Variants in LYN observed in about 807,000 individuals in gnomAD.
LYN encodes the protein tyrosine-protein kinase Lyn.
Under a neutral mutation model 65.0 loss-of-function variants are expected in LYN, and 12 were observed. That is an observed-to-expected ratio of 0.18 (90% confidence interval 0.12 to 0.30). The LOEUF (loss-of-function observed/expected upper bound fraction) is 0.30. Ranked by LOEUF, LYN falls within the 10% of genes least tolerant of loss-of-function variation. The pLI is 1.00. For missense variants in LYN, 380 were observed against 623.2 expected (o/e 0.61, Z 4.16); for synonymous variants, 222 against 221.2 (o/e 1.00, Z -0.03).
chr8:55,967,909 T>C (rs557489398), intron 9 of LYN, among the ~76,000 whole-genome samples: 41 of 152,178 alleles, frequency 2.7e-4, no homozygotes, highest in Non-Finnish European at 5.3e-4. Flanking sequence ...TGAAGAAACA[T>C]AAGCAATGAT....
At chr8:55,896,256 C>G (rs1379449198) in intron 1 of LYN, among the ~76,000 whole-genome samples, 1 of 150,308 alleles carries the variant, frequency 6.7e-6, no homozygotes, top group Admixed American at 6.7e-5. Context: ...GGTAGCAGAG[C>G]AAGACTCTCA....
At chr8:55,981,934 C>T (rs978617343) in intron 10 of LYN, among the ~76,000 whole-genome samples, 3 of 152,190 alleles carry the variant, frequency 2.0e-5, no homozygotes, top group African/African-American at 7.2e-5. Context: ...TTGAAGCCAA[C>T]GGCAGATGCA....
intron 1 of LYN, among the ~76,000 whole-genome samples, chr8:55,903,939 T>A (rs72651469): frequency 0.094 from 14,305 of 152,106 alleles, 914 homozygotes; most frequent in Middle Eastern, 0.17. Flanking sequence ...AGGATCCGCT[T>A]GAGCCTCGGA....
intron 1 of LYN, among the ~76,000 whole-genome samples, chr8:55,904,348 T>C (rs371778212): frequency 1.4e-5 from 2 of 144,324 alleles, no homozygotes; most frequent in African/African-American, 2.4e-5. Context: ...ATATGAAATA[T>C]GATATGAAAT....
chr8:55,915,684 C>T (rs139198891), intron 1 of LYN, among the ~76,000 whole-genome samples: 38 of 151,582 alleles, frequency 2.5e-4, no homozygotes, highest in African/African-American at 6.8e-4. Flanking sequence ...CCAGCCTGGG[C>T]GAGAAGAGCA....
In LYN at chr8:55,954,000, G is replaced by A. The variant is rs775574254; in HGVS notation, c.790+16G>A. The stretch of plus-strand genomic sequence containing the variant: ...GTCTGGATGGGTAAGTGTGCGGCTC[G>A]GGGATCTATGTCCTTCTAGAGATGG... On this transcript the variant is annotated intron_variant, in intron 8 of 12. Coordinates refer to ENST00000519728, the MANE Select transcript of LYN (RefSeq NM_002350.4). 57 of 1,612,676 alleles carry A rather than the reference G, an allele frequency of 3.5e-5. No homozygotes were observed. Among genetic ancestry groups the A allele is most frequent in the Non-Finnish European group, 2.9e-5 (34 of 1,179,514 alleles).
rs193036267 is a variant in LYN at position 55,889,252 on chromosome 8, C to T, written c.-6+9149C>T. 5.2e-4 allele frequency among the ~76,000 whole-genome samples: 79 copies of T among 152,218 alleles called. 1 individual carries two copies. In the Middle Eastern group the frequency reaches 0.014, roughly 26 times the overall value. ...CAGGAGTTTGAGACCAGGCTGTAAC[C>T]CCAGGCAGGAGTACAGTGGTGCAGT... On this transcript the variant is annotated intron_variant, in intron 1 of 12. Coordinates refer to ENST00000519728, the MANE Select transcript of LYN (RefSeq NM_002350.4).
chr8:55,908,222 C>CACTT (rs1554575711), intron 1 of LYN, among the ~76,000 whole-genome samples: 2 of 142,948 alleles, frequency 1.4e-5, no homozygotes, highest in Admixed American at 7.0e-5. Context: ...CTGTTTAAAC[C>CACTT]ATTTATTTAT....
At position 56,008,123 on chromosome 8, in the gene LYN, A is replaced by AAAAAAAAAAAT. The variant is rs145011760; in HGVS notation, c.1337-1780_1337-1779insAAAAATAAAAA. Among the ~76,000 whole-genome samples, 884 of 140,772 alleles carry AAAAAAAAAAAT rather than the reference A, an allele frequency of 6.3e-3. 14 individuals are homozygous for AAAAAAAAAAAT. The highest frequency in any genetic ancestry group is 0.02 in the African/African-American group (771 of 38,472). The allele number at this position is 140,772 out of a possible 152,430, so 92.4% of individuals were successfully genotyped here. On this transcript the variant is annotated intron_variant, in intron 12 of 12. Transcript: ENST00000519728. Reference sequence around the variant, plus strand: ...GAAAGAGGGAGACTCTGCCTCAAAAAAAAAATAAAATAAAATAAAATAAAA... The same window carrying AAAAAAAAAAAT: ...GAAAGAGGGAGACTCTGCCTCAAAAAAAAAAAAAAATAAAAATAAAATAAAATAAAATAAAA...
rs749791683 is a variant in LYN, at chr8:55,951,971, T to C, written c.493T>C (p.Phe165Leu). The change falls in exon 7 of 13, where the codon TTC (phenylalanine) becomes CTC (leucine). Residue 165 changes from phenylalanine (F) to leucine (L), a missense_variant. Phe to Leu is a conservative substitution (Grantham distance 22, BLOSUM62 0). Coordinates refer to ENST00000519728, the MANE Select transcript of LYN (RefSeq NM_002350.4). ...IRESETLKGS[F>L]SLSVRDFDPV... ...TTACACTTTTCCCCCCATAGGAAGC[T>C]TCTCTCTGTCTGTCAGAGACTTTGA... is the stretch of plus-strand genomic sequence containing the variant. 4 of 1,610,316 alleles carry C rather than the reference T, an allele frequency of 2.5e-6. No homozygotes were observed. The highest frequency in any genetic ancestry group is 1.7e-5 in the Admixed American group (1 of 58,830).
At chr8:55,887,575 T>TATATAC (rs1554573193) in intron 1 of LYN, among the ~76,000 whole-genome samples, 59 of 93,460 alleles carry the variant, frequency 6.3e-4, no homozygotes, top group African/African-American at 1.8e-3. Flanking sequence ...TATATATATA[T>TATATAC]ACACACACAC....
chr8:55,974,955 T>C (rs914243415), intron 10 of LYN, among the ~76,000 whole-genome samples: 2 of 152,194 alleles, frequency 1.3e-5, no homozygotes, highest in African/African-American at 4.8e-5. Flanking sequence ...CCCCACTCCA[T>C]ATATAATCTC....
intron 1 of LYN, among the ~76,000 whole-genome samples, chr8:55,916,187 G>A (rs1253580476): frequency 6.6e-6 from 1 of 151,886 alleles, no homozygotes; most frequent in African/African-American, 2.4e-5. Flanking sequence ...ATGATCATTG[G>A]CTAAAAAAAA....
chr8:55,883,398 C>G (rs1363962629), intron 1 of LYN, among the ~76,000 whole-genome samples: 1 of 152,218 alleles, frequency 6.6e-6, no homozygotes, highest in Non-Finnish European at 1.5e-5. Context: ...CACCATCAAG[C>G]TGGGCACTTC....
chr8:55,888,230 G>A (rs956453144), intron 1 of LYN, among the ~76,000 whole-genome samples: 1 of 152,216 alleles, frequency 6.6e-6, no homozygotes, highest in Non-Finnish European at 1.5e-5. Flanking sequence ...CCTGAAGGGA[G>A]TGGGCCACAC....
chr8:55,959,880 A>G (rs1368814345), intron 8 of LYN, among the ~76,000 whole-genome samples: 1 of 152,222 alleles, frequency 6.6e-6, no homozygotes. Flanking sequence ...GATGACTTAT[A>G]ATAACACTAT....
intron 8 of LYN, among the ~76,000 whole-genome samples, chr8:55,960,373 GA>G (rs1807239086): frequency 6.6e-6 from 1 of 152,090 alleles, no homozygotes; most frequent in Non-Finnish European, 1.5e-5. Flanking sequence ...GGAAGGAAAA[GA>G]AGGGAAGGGG....
intron 1 of LYN, among the ~76,000 whole-genome samples, chr8:55,892,998 G>C (rs878958143): frequency 1.3e-5 from 2 of 152,028 alleles, no homozygotes; most frequent in Admixed American, 1.3e-4. Flanking sequence ...TCCAGTGTAG[G>C]CTTCTAAACA....
Position 55,890,768 on chromosome 8 carries a change from C to T in LYN, c.-6+10665C>T, listed in dbSNP as rs1212606574. On this transcript the variant is annotated intron_variant, in intron 1 of 12. Transcript: ENST00000519728. ...TTTGAAACAGGGTTTTACTCTGTCA[C>T]CCGGGCTAGAGTGTGGTGGCACCAT... 2.0e-5 allele frequency among the ~76,000 whole-genome samples: 3 copies of T among 150,870 alleles called. No homozygotes were observed. In the East Asian group the frequency reaches 5.8e-4, roughly 29 times the overall value.
Sources: allele counts gnomAD v4.1 joint callset (sites outside exome capture counted in the v4.1 genomes callset), GRCh38; gene constraint gnomAD v4.1.1; transcripts MANE v1.5; gene names NCBI Gene and HGNC (gene_info 2026-07-23, HGNC 2026-07-21).